Variants in PLA2R1 observed in about 807,000 individuals in gnomAD.
PLA2R1 encodes the protein phospholipase A2 receptor 1.
Under a neutral mutation model 195.9 loss-of-function variants are expected in PLA2R1, and 158 were observed. The observed-to-expected ratio is 0.81, with a 90% CI of 0.71 to 0.92. The LOEUF is 0.92. Ranked by LOEUF, PLA2R1 falls within the 40% of genes least tolerant of loss-of-function variation. PLA2R1 has a pLI of 0.00. For synonymous variants in PLA2R1, 586 were observed against 598.2 expected, an observed-to-expected ratio of 0.98 and a Z score of 0.30; for missense variants, 1,626 against 1,764.6, an observed-to-expected ratio of 0.92 and a Z score of 1.41.
chr2:159,972,066 C>T (rs563708148), intron 17 of PLA2R1, among the ~76,000 whole-genome samples: 17 of 152,158 alleles, frequency 1.1e-4, no homozygotes, highest in South Asian at 2.1e-4. Context: ...TCATGTGCCA[C>T]GGGACTGGAA....
intron 1 of PLA2R1, among the ~76,000 whole-genome samples, chr2:160,053,594 C>T (rs1464155153): frequency 6.6e-6 from 1 of 152,212 alleles, no homozygotes; most frequent in Non-Finnish European, 1.5e-5. Context: ...GCAGAACCCA[C>T]AGAAGTGATA....
At position 159,977,416 on chromosome 2, in the gene PLA2R1, C is replaced by A; in HGVS notation, c.2269G>T (p.Val757Phe). ...GSWEWSDRTP[V>F]VSSFLDNTYF... The stretch of plus-strand genomic sequence containing the variant: ...GTGTTGTCTAAAAACGAAGAGACAA[C>A]CTGCAGCAGATGAAGTTCATTATTC... Residue 757 changes from valine (V) to phenylalanine (F), a missense_variant and splice_region_variant, in exon 15 of 30, where the codon GTT becomes TTT. Transcript: ENST00000283243. 7 of 1,612,770 alleles carry A rather than the reference C, an allele frequency of 4.3e-6. No homozygotes were observed. Among genetic ancestry groups the A allele is most frequent in the Admixed American group, 1.7e-5 (1 of 59,930 alleles).
At chr2:160,012,842 G>A (rs950154188) in intron 10 of PLA2R1, among the ~76,000 whole-genome samples, 1 of 152,104 alleles carries the variant, frequency 6.6e-6, no homozygotes, top group Non-Finnish European at 1.5e-5. Flanking sequence ...AACCTGGGAG[G>A]TGGAGGTTGC....
intron 25 of PLA2R1, 63 bp downstream of exon 25, chr2:159,949,545 A>G (rs1243848664): frequency 8.2e-7 from 1 of 1,226,680 alleles, no homozygotes; most frequent in African/African-American, 1.5e-5. Context: ...TTTGCTTAGC[A>G]CAGTGTCTTG....
intron 20 of PLA2R1, among the ~76,000 whole-genome samples, chr2:159,958,081 C>T (rs56210071): frequency 0.025 from 3,786 of 152,202 alleles, 142 homozygotes; most frequent in African/African-American, 0.081. Flanking sequence ...ATGTCTGTTC[C>T]CTCCAACTCT....
chr2:160,016,580 C>T lies in PLA2R1; in HGVS notation c.1551+34G>A, dbSNP rs750416364. 5.0e-6 allele frequency: 5 copies of T among 1,006,982 alleles called. No homozygotes were observed. The South Asian group carries it at 5.3e-5, about 11-fold the overall frequency. 62.4% of individuals were successfully genotyped at this position (1,006,982 alleles called of 1,614,324 possible). A position where few individuals can be genotyped will look rare whatever the true frequency, so the allele number is the denominator to read the frequency against. ...GAATTGATATTCTAGCTATGAAGTCCCTGTACCTAAATTGCAATGTTAACA... is the reference window on the plus strand; with the variant it reads ...GAATTGATATTCTAGCTATGAAGTCTCTGTACCTAAATTGCAATGTTAACA... On this transcript the variant is annotated intron_variant, in intron 9 of 29. Transcript: ENST00000283243.
At chr2:159,985,033 C>T (rs1340370765) in intron 12 of PLA2R1, among the ~76,000 whole-genome samples, 1 of 152,202 alleles carries the variant, frequency 6.6e-6, no homozygotes, top group Non-Finnish European at 1.5e-5. Context: ...ACCACCATGC[C>T]TATCACACAC....
At position 159,937,734 on chromosome 2, in the gene PLA2R1, A is replaced by G. The variant is rs1686900734; in HGVS notation, c.*4044T>C. On this transcript the variant is annotated 3_prime_UTR_variant, in exon 30 of 30. Transcript: ENST00000283243. ...AGTAGCACTCCAGCTGTTCCACTGTATAATACATATTAATTCAGAATATGA... is the reference window on the plus strand; with the variant it reads ...AGTAGCACTCCAGCTGTTCCACTGTGTAATACATATTAATTCAGAATATGA... 1.3e-5 allele frequency: 2 copies of G among 152,254 alleles called. No homozygotes were observed. The highest frequency in any genetic ancestry group is 2.4e-5 in the African/African-American group (1 of 41,468). 9.4% of individuals were successfully genotyped at this position (152,254 alleles called of 1,614,324 possible).
At chr2:159,978,398 C>G (rs975227511) in intron 14 of PLA2R1, among the ~76,000 whole-genome samples, 2 of 152,128 alleles carry the variant, frequency 1.3e-5, no homozygotes. Flanking sequence ...TACACTGTCA[C>G]GTAATAATTC....
At chr2:159,931,370 A>G (rs1162632920), downstream of PLA2R1, among the ~76,000 whole-genome samples, 6 of 152,114 alleles carry the variant, frequency 3.9e-5, no homozygotes, top group African/African-American at 1.4e-4. Context: ...TCTCCACAAA[A>G]GTTTTTTTAA....
At position 159,939,497 on chromosome 2, in the gene PLA2R1, T is replaced by G. The variant is rs949073906; in HGVS notation, c.*2281A>C. 8.3e-6 allele frequency: 1 copy of G among 121,142 alleles called. No homozygotes were observed. Among genetic ancestry groups the G allele is most frequent in the Non-Finnish European group, 1.6e-5 (1 of 61,302 alleles). The allele number at this position is 121,142 out of a possible 1,614,324, so 7.5% of individuals were successfully genotyped here. ...CTCCTGCCTGGCAACAGAGCAAGAC[T>G]CCATCTCCAAAAAAAAAAAAAAAAA... On this transcript the variant is annotated 3_prime_UTR_variant, in exon 30 of 30. Coordinates refer to ENST00000283243, the MANE Select transcript of PLA2R1 (RefSeq NM_007366.5).
chr2:159,989,110 AG>A (rs1282578720), intron 11 of PLA2R1, among the ~76,000 whole-genome samples: 2 of 152,332 alleles, frequency 1.3e-5, no homozygotes, highest in South Asian at 2.1e-4. Context: ...AAGAAAGTCA[AG>A]GAAGAGTTGG....
chr2:160,031,019 G>A (rs1250844451), intron 4 of PLA2R1, among the ~76,000 whole-genome samples: 2 of 152,068 alleles, frequency 1.3e-5, no homozygotes, highest in Admixed American at 1.3e-4. Flanking sequence ...AACCATTTCA[G>A]GCTTAAAATG....
chr2:159,924,732 G>T, the PLA2R1 span, among the ~76,000 whole-genome samples: 5 of 108,348 alleles, frequency 4.6e-5, no homozygotes, highest in Admixed American at 9.4e-5. Flanking sequence ...TGGGGGCTGG[G>T]GGGGGGGCGG....
At chr2:160,056,540 T>C (rs143536307) in intron 1 of PLA2R1, among the ~76,000 whole-genome samples, 48 of 152,362 alleles carry the variant, frequency 3.2e-4, no homozygotes, top group Admixed American at 3.1e-3. Flanking sequence ...TCTCCTATTC[T>C]GCAATCTTCC....
intron 2 of PLA2R1, among the ~76,000 whole-genome samples, chr2:160,043,093 A>AG (rs75657819): frequency 0.32 from 47,879 of 151,872 alleles, 8,981 homozygotes; most frequent in Non-Finnish European, 0.42. Flanking sequence ...CCCTCTGGGT[A>AG]GGGAGCCAGG....
chr2:160,045,424 C>A (rs1694798378), intron 1 of PLA2R1, among the ~76,000 whole-genome samples: 1 of 152,132 alleles, frequency 6.6e-6, no homozygotes, highest in Admixed American at 6.5e-5. Context: ...GGGTTACCTG[C>A]CAATCCACTC....
chr2:159,963,653 A>G (rs1688595469), intron 20 of PLA2R1, among the ~76,000 whole-genome samples: 1 of 152,238 alleles, frequency 6.6e-6, no homozygotes, highest in Non-Finnish European at 1.5e-5. Context: ...CAACTTCATC[A>G]GATAATAGAG....
At chr2:159,972,625 T>C (rs2105254736) in intron 17 of PLA2R1, among the ~76,000 whole-genome samples, 1 of 152,308 alleles carries the variant, frequency 6.6e-6, no homozygotes, top group Admixed American at 6.5e-5. Context: ...TTGATATGTA[T>C]TTTGAGAAGC....
Sources: allele counts gnomAD v4.1 joint callset (sites outside exome capture counted in the v4.1 genomes callset), GRCh38; gene constraint gnomAD v4.1.1; transcripts MANE v1.5; gene names NCBI Gene and HGNC (gene_info 2026-07-23, HGNC 2026-07-21).